Variants in DAB1 observed in about 807,000 individuals in gnomAD.
DAB1 encodes disabled homolog 1.
In DAB1, 15 loss-of-function variants were observed where a neutral mutation model predicts 64.6. That is an observed-to-expected ratio of 0.23 (90% CI 0.16 to 0.36). The LOEUF is 0.36. Among genes scored for constraint, DAB1 ranks in the 10% least tolerant of loss-of-function variants. The pLI is 1.00. For synonymous variants in DAB1, 235 were observed against 251.9 expected (o/e 0.93, Z 0.64); for missense variants, 596 against 706.7 (o/e 0.84, Z 1.78).
intron 3 of DAB1, among the ~76,000 whole-genome samples, chr1:57,143,826 CT>C (rs147069646): frequency 1.7e-4 from 26 of 148,596 alleles, no homozygotes; most frequent in South Asian, 1.5e-3. Context: ...ACCTAACAAG[CT>C]TTTTTTTTTC....
intron 2 of DAB1, among the ~76,000 whole-genome samples, chr1:57,172,741 A>G (rs937552760): frequency 5.9e-5 from 9 of 152,160 alleles, no homozygotes; most frequent in Admixed American, 4.6e-4. Context: ...ATGAGAACTC[A>G]TTACCACAAG....
intron 4 of DAB1, among the ~76,000 whole-genome samples, chr1:58,282,660 T>C (rs1284780743): frequency 6.7e-6 from 1 of 149,692 alleles, no homozygotes; most frequent in African/African-American, 2.5e-5. Context: ...ACATATGATA[T>C]GGAATGAGCA....
chr1:57,379,886 G>A (rs781120955), intron 1 of DAB1, among the ~76,000 whole-genome samples: 1 of 152,134 alleles, frequency 6.6e-6, no homozygotes, highest in Non-Finnish European at 1.5e-5. Flanking sequence ...CACGACTTTG[G>A]GTAAGTTATT....
rs1479577400 is a variant in DAB1 at position 57,233,439 on chromosome 1, T to C, written c.67+57525A>G. Among the ~76,000 whole-genome samples the C allele has an allele frequency of 3.3e-5, 5 of 151,398 alleles. 1 individual carries two copies. In the East Asian group the frequency reaches 9.9e-4, roughly 30 times the overall value. On this transcript the variant is annotated intron_variant, in intron 2 of 14. Coordinates refer to ENST00000371236, the MANE Select transcript of DAB1 (RefSeq NM_001365792.1). ...CATTACGCCTGGCTAATTTTTTGCT[T>C]TGCTCCGATTCTTAACAAACTTATT... is the stretch of plus-strand genomic sequence containing the variant.
At chr1:58,501,104 T>C (rs186102228) in intron 3 of DAB1, among the ~76,000 whole-genome samples, 57 of 152,292 alleles carry the variant, frequency 3.7e-4, no homozygotes, top group African/African-American at 1.3e-3. Flanking sequence ...TTCAAGTAAA[T>C]AGAATTATAA....
intron 3 of DAB1, among the ~76,000 whole-genome samples, chr1:58,375,127 C>G (rs1387783883): frequency 1.3e-5 from 2 of 149,370 alleles, no homozygotes; most frequent in African/African-American, 5.0e-5. Flanking sequence ...CGTCTGCAAA[C>G]AGGGACAATT....
At chr1:58,224,858 C>T (rs12756437) in intron 4 of DAB1, among the ~76,000 whole-genome samples, 18 of 152,066 alleles carry the variant, frequency 1.2e-4, no homozygotes, top group African/African-American at 4.3e-4. Flanking sequence ...CATAAAAACC[C>T]TAGAAGAAAA....
chr1:58,311,577 C>A (rs993467844), intron 4 of DAB1, among the ~76,000 whole-genome samples: 6 of 152,094 alleles, frequency 3.9e-5, no homozygotes, highest in African/African-American at 1.4e-4. Context: ...GTGCAGAAAT[C>A]CTGCCTTGGC....
At chr1:57,362,089 A>T (rs1254183883) in intron 1 of DAB1, among the ~76,000 whole-genome samples, 1 of 152,162 alleles carries the variant, frequency 6.6e-6, no homozygotes, top group Admixed American at 6.5e-5. Flanking sequence ...TCGAAGAATG[A>T]ATATATTAAT....
intron 7 of DAB1, among the ~76,000 whole-genome samples, chr1:57,604,693 G>A (rs112646685): frequency 3.3e-5 from 5 of 152,274 alleles, no homozygotes; most frequent in South Asian, 2.1e-4. Context: ...ACTTGAAGCC[G>A]CTTCACTAGG....
chr1:58,268,275 A>C (rs565694310), intron 4 of DAB1, among the ~76,000 whole-genome samples: 43 of 152,316 alleles, frequency 2.8e-4, no homozygotes, highest in African/African-American at 9.1e-4. Flanking sequence ...TATGAGAGCC[A>C]GAGAAAGCAT....
chr1:57,005,235 CAAT>C (rs1646024640), intron 14 of DAB1, among the ~76,000 whole-genome samples: 1 of 152,158 alleles, frequency 6.6e-6, no homozygotes. Context: ...ATAATAACAA[CAAT>C]GATGGGCATC....
chr1:57,761,048 T>C (rs923488180), intron 6 of DAB1, among the ~76,000 whole-genome samples: 2 of 152,214 alleles, frequency 1.3e-5, no homozygotes, highest in African/African-American at 4.8e-5. Context: ...TCTAAGCTTC[T>C]TCAACTCCTA....
At position 58,061,922 on chromosome 1, in the gene DAB1, G is replaced by A. The variant is rs540261672; in HGVS notation, n.387+88589C>T. Among the ~76,000 whole-genome samples, 8 of 152,216 alleles carry A rather than the reference G, an allele frequency of 5.3e-5. No individual in the cohort carries two copies. The South Asian group carries it at 8.3e-4, about 16-fold the overall frequency. ...TTTCCATGTAGTTAATCTGCTATCC[G>A]CAAATTAACTGAGCTTAGTATCTAC... On this transcript the variant is annotated intron_variant and non_coding_transcript_variant, in intron 5 of 20. Coordinates refer to the DAB1 transcript ENST00000485760.
intron 4 of DAB1, among the ~76,000 whole-genome samples, chr1:58,262,205 T>C (rs1184368244): frequency 6.6e-6 from 1 of 152,068 alleles, no homozygotes; most frequent in African/African-American, 2.4e-5. Flanking sequence ...GAGGAGCCTA[T>C]AGAGGGCACT....
At chr1:58,500,189 A>AT (rs913160544) in intron 3 of DAB1, among the ~76,000 whole-genome samples, 4 of 152,000 alleles carry the variant, frequency 2.6e-5, no homozygotes, top group African/African-American at 7.2e-5. Context: ...GCACCATAAT[A>AT]TTTTTTTTAA....
intron 1 of DAB1, among the ~76,000 whole-genome samples, chr1:57,357,706 T>TA (rs1679226913): frequency 6.6e-6 from 1 of 151,904 alleles, no homozygotes; most frequent in African/African-American, 2.4e-5. Flanking sequence ...TCAGGAAACT[T>TA]ACAATCATGG....
intron 3 of DAB1, among the ~76,000 whole-genome samples, chr1:58,479,724 C>T (rs1645454178): frequency 6.6e-6 from 1 of 152,082 alleles, no homozygotes; most frequent in Non-Finnish European, 1.5e-5. Context: ...GTCTTGATAG[C>T]TTAGTCTTAG....
At chr1:58,195,848 G>A (rs946867182) in intron 4 of DAB1, among the ~76,000 whole-genome samples, 3 of 152,190 alleles carry the variant, frequency 2.0e-5, no homozygotes, top group African/African-American at 7.2e-5. Context: ...CTAACAGGAA[G>A]TATTACTGCT....
Sources: gnomAD v4.1 joint callset for allele counts (sites outside exome capture counted in the v4.1 genomes callset) on GRCh38, gnomAD v4.1.1 for gene constraint, MANE v1.5 for transcripts, NCBI Gene and HGNC (gene_info 2026-07-23, HGNC 2026-07-21) for gene names.